ARHGEF15: variants seen among roughly 807,000 people sequenced by gnomAD.
ARHGEF15 encodes the protein Rho guanine nucleotide exchange factor 15, also known as Rho guanine nucleotide exchange factor (GEF) 15.
Under a neutral mutation model 79.7 loss-of-function variants are expected in ARHGEF15, and 58 were observed. That is an observed-to-expected ratio of 0.73 (90% CI 0.59 to 0.91). The LOEUF is 0.91. Among genes scored for constraint, ARHGEF15 ranks in the 40% least tolerant of loss-of-function variants. The pLI is 0.00. For missense variants in ARHGEF15, 1,012 were observed against 1,108.1 expected (o/e 0.91, Z 1.23); for synonymous variants, 442 against 456.0 (o/e 0.97, Z 0.39).
At chr17:8,320,161 A>G (rs1044043289) in intron 15 of ARHGEF15, among the ~76,000 whole-genome samples, 1 of 152,178 alleles carries the variant, frequency 6.6e-6, no homozygotes, top group Admixed American at 6.5e-5. Context: ...TGAATCAAAT[A>G]TATCACACTT....
At position 8,315,326 on chromosome 17, in the gene ARHGEF15, C is replaced by T. The variant is rs1271874504; in HGVS notation, c.1260+49C>T. The stretch of plus-strand genomic sequence containing the variant: ...GGAGGGGGGTGCTGGGGTTGGGCTG[C>T]ATGGGTCAGGCATAGGGGAGGAGGG... On this transcript the variant is annotated intron_variant, in intron 6 of 15. Coordinates refer to ENST00000361926, the MANE Select transcript of ARHGEF15 (RefSeq NM_173728.4). The surrounding 1 kb of genome is among the most constrained non-coding windows in gnomAD (Gnocchi z 4.3). 5.0e-6 allele frequency: 8 copies of T among 1,610,654 alleles called. No homozygotes were observed. Among genetic ancestry groups the T allele is most frequent in the Non-Finnish European group, 6.8e-6 (8 of 1,178,158 alleles).
chr17:8,317,893 C>G (rs1905130129), intron 9 of ARHGEF15, among the ~76,000 whole-genome samples: 1 of 152,036 alleles, frequency 6.6e-6, no homozygotes, highest in African/African-American at 2.4e-5. Context: ...ATGGTGAAAC[C>G]CCGCTTCTAC....
At chr17:8,320,711 T>C in intron 15 of ARHGEF15, 131 bp from the exon 16 acceptor site, 1 of 767,338 alleles carries the variant, frequency 1.3e-6, no homozygotes. Context: ...TTTCTACCGA[T>C]GCTCCAGGCT....
intron 9 of ARHGEF15, 75 bp downstream of exon 9, chr17:8,316,223 C>G: frequency 6.5e-7 from 1 of 1,537,302 alleles, no homozygotes. Flanking sequence ...TCTTGGCCCT[C>G]CAGCTATCAC....
At position 8,313,394 on chromosome 17, in the gene ARHGEF15, G is replaced by A. The variant is rs77113746; in HGVS notation, c.935-107G>A. The A allele has an allele frequency of 3.8e-4, 567 of 1,502,284 alleles. 1 individual carries two copies. The highest frequency in any genetic ancestry group is 4.7e-4 in the Non-Finnish European group (517 of 1,100,958). 93.1% of individuals were successfully genotyped at this position (1,502,284 alleles called of 1,614,324 possible). On this transcript the variant is annotated intron_variant, in intron 3 of 15. Coordinates refer to ENST00000361926, the MANE Select transcript of ARHGEF15 (RefSeq NM_173728.4). ...CACCAGCTGCTGCTCTGGTGCTGAA[G>A]AGAGTTGCAGTTTTTATAGTAACCA...
chr17:8,315,000 C>A lies in ARHGEF15; in HGVS notation c.1048+36C>A, dbSNP rs1323879277. The A allele has an allele frequency of 2.5e-6, 4 of 1,613,716 alleles. No homozygotes were observed. In the Admixed American group the frequency reaches 6.7e-5, roughly 27 times the overall value. On this transcript the variant is annotated intron_variant, in intron 5 of 15. Transcript: ENST00000361926. Reference sequence around the variant, plus strand: ...CTGGACCTGAGGGTCCCTGCTGTGACCATCAAGCAGTGGGGAAGGGTTTGG... The same window carrying A: ...CTGGACCTGAGGGTCCCTGCTGTGAACATCAAGCAGTGGGGAAGGGTTTGG...
intron 4 of ARHGEF15, among the ~76,000 whole-genome samples, chr17:8,314,451 G>A (rs1034344701): frequency 1.3e-5 from 2 of 152,018 alleles, no homozygotes; most frequent in African/African-American, 2.4e-5. Context: ...AGTCCATCAC[G>A]TTGAGCTTCC....
In ARHGEF15 at chr17:8,315,735, T is replaced by G. The variant is rs779894047; in HGVS notation, c.1422-20T>G. 6.2e-7 allele frequency: 1 copy of G among 1,608,404 alleles called. No individual in the cohort carries two copies. Among genetic ancestry groups the G allele is most frequent in the South Asian group, 1.1e-5 (1 of 90,882 alleles). On this transcript the variant is annotated intron_variant, in intron 7 of 15. Coordinates refer to ENST00000361926, the MANE Select transcript of ARHGEF15 (RefSeq NM_173728.4). The surrounding 1 kb of genome is among the most constrained non-coding windows in gnomAD (Gnocchi z 4.3). ...TGGCTCTCTGCCCCGCCCCATTGCTTGCTTCCCCAATTCCTTCAGGTTTCT... is the reference window on the plus strand; with the variant it reads ...TGGCTCTCTGCCCCGCCCCATTGCTGGCTTCCCCAATTCCTTCAGGTTTCT...
rs1904648547 is a variant in ARHGEF15 at position 8,311,982 on chromosome 17, C to T, written c.-49-9C>T. 9.5e-6 allele frequency: 14 copies of T among 1,467,174 alleles called. No individual in the cohort carries two copies. Among genetic ancestry groups the T allele is most frequent in the Admixed American group, 2.5e-5 (1 of 39,658 alleles). The allele number at this position is 1,467,174 out of a possible 1,614,324, so 90.9% of individuals were successfully genotyped here. On this transcript the variant is annotated splice_polypyrimidine_tract_variant and intron_variant, in intron 1 of 15. Coordinates refer to ENST00000361926, the MANE Select transcript of ARHGEF15 (RefSeq NM_173728.4). Reference sequence around the variant, plus strand: ...TAAGGGTCTTTCTCTTTCCCTCCCTCCTCCTCAGGGGATGACTCCAGCAGA... The same window carrying T: ...TAAGGGTCTTTCTCTTTCCCTCCCTTCTCCTCAGGGGATGACTCCAGCAGA...
At position 8,321,124 on chromosome 17, in the gene ARHGEF15, T is replaced by TTCA; in HGVS notation, c.*132_*134dup. The stretch of plus-strand genomic sequence containing the variant: ...CTCGTGGCAACCATAGAGATCGAGC[T>TTCA]TCAGGACAGAGCAGCCAATGAAAAC... On this transcript the variant is annotated 3_prime_UTR_variant, in exon 16 of 16. Coordinates refer to ENST00000361926, the MANE Select transcript of ARHGEF15 (RefSeq NM_173728.4). 7.5e-7 allele frequency: 1 copy of TTCA among 1,325,802 alleles called. No homozygotes were observed. Among genetic ancestry groups the TTCA allele is most frequent in the Non-Finnish European group, 1.0e-6 (1 of 963,570 alleles). The allele number at this position is 1,325,802 out of a possible 1,614,324, so 82.1% of individuals were successfully genotyped here.
At position 8,315,594 on chromosome 17, in the gene ARHGEF15, TC is replaced by T; in HGVS notation, c.1421+22del. On this transcript the variant is annotated intron_variant, in intron 7 of 15. Transcript: ENST00000361926. The surrounding 1 kb of genome is among the most constrained non-coding windows in gnomAD (Gnocchi z 4.3). ...CGAGCGGTCAGTGGCTTTCCGTCCT[TC>T]CAGGGAACCTGCCCTTAGGCTGCTG... 1 of 1,605,858 alleles carries T rather than the reference TC, an allele frequency of 6.2e-7. No individual in the cohort carries two copies. Among genetic ancestry groups the T allele is most frequent in the East Asian group, 2.2e-5 (1 of 44,858 alleles).
chr17:8,319,252 C>CT (rs1463969698), intron 13 of ARHGEF15, 60 bp from the exon 14 acceptor site: 4 of 1,605,558 alleles, frequency 2.5e-6, no homozygotes, highest in African/African-American at 2.7e-5. Context: ...TCTGTGGCTC[C>CT]TGCCTCAGCC....
Position 8,316,019 on chromosome 17 carries a change from G to C in ARHGEF15, c.1575G>C (p.Met525Ile). 1 of 1,601,760 alleles carries C rather than the reference G, an allele frequency of 6.2e-7. No individual in the cohort carries two copies. The highest frequency in any genetic ancestry group is 1.1e-5 in the South Asian group (1 of 90,980). Residue 525 changes from methionine (M) to isoleucine (I), a missense_variant and splice_region_variant, in exon 9 of 16, where the codon ATG becomes ATC. Transcript: ENST00000361926. Reference protein sequence around the residue: ...QYQEETYSRLMDTNVRFSAEL... With the variant: ...QYQEETYSRLIDTNVRFSAEL... ...CCGCTAGCCATGCCTGCTTCTGCAG[G>C]GACACCAACGTGCGCTTCTCCGCCG...
chr17:8,319,203 T>C, intron 13 of ARHGEF15, 44 bp downstream of exon 13: 1 of 1,609,482 alleles, frequency 6.2e-7, no homozygotes, highest in Non-Finnish European at 8.5e-7. Context: ...GACACTTATC[T>C]GACCTCTCAG....
At position 8,315,003 on chromosome 17, in the gene ARHGEF15, T is replaced by A; in HGVS notation, c.1048+39T>A. ...GACCTGAGGGTCCCTGCTGTGACCATCAAGCAGTGGGGAAGGGTTTGGGAG... is the reference window on the plus strand; with the variant it reads ...GACCTGAGGGTCCCTGCTGTGACCAACAAGCAGTGGGGAAGGGTTTGGGAG... On this transcript the variant is annotated intron_variant, in intron 5 of 15. Coordinates refer to ENST00000361926, the MANE Select transcript of ARHGEF15 (RefSeq NM_173728.4). This position sits in a 1 kb window ranked among gnomAD's most constrained non-coding sequence, Gnocchi z 4.3. 1 of 1,613,826 alleles carries A rather than the reference T, an allele frequency of 6.2e-7. No homozygotes were observed. Among genetic ancestry groups the A allele is most frequent in the South Asian group, 1.1e-5 (1 of 91,050 alleles).
Position 8,315,511 on chromosome 17 carries a change from T to G in ARHGEF15, c.1358T>G (p.Leu453Arg). ...CTGAGCCAGGCACTCCGGGACACGC[T>G]CACCCCCCGTGATCACCACACACTC... ...FVLSQALRDT[L>R]TPRDHHTLFS... The change falls in exon 7 of 16, where the codon CTC (leucine) becomes CGC (arginine). Residue 453 changes from leucine (L) to arginine (R), a missense_variant. By Grantham distance (102) the Leu-to-Arg change is moderately radical (BLOSUM62 -2). Around this residue, in one of 3 missense-constraint regions of ARHGEF15, gnomAD observed 818 missense variants for 882.5 expected, o/e 0.93. Coordinates refer to ENST00000361926, the MANE Select transcript of ARHGEF15 (RefSeq NM_173728.4). The surrounding 1 kb of genome is among the most constrained non-coding windows in gnomAD (Gnocchi z 4.3). 1 of 1,612,482 alleles carries G rather than the reference T, an allele frequency of 6.2e-7. No homozygotes were observed. Among genetic ancestry groups the G allele is most frequent in the South Asian group, 1.1e-5 (1 of 91,056 alleles).
chr17:8,314,382 A>T (rs1234755952), intron 4 of ARHGEF15, among the ~76,000 whole-genome samples: 3 of 152,102 alleles, frequency 2.0e-5, no homozygotes, highest in Non-Finnish European at 2.9e-5. Flanking sequence ...GGTGGTGCTG[A>T]TGACCACAGC....
In ARHGEF15 at chr17:8,319,584, C is replaced by T; in HGVS notation, c.2355C>T (p.His785=). ...RSLESRAAPK[H]LHKTPEGWLK... Reference sequence around the variant, plus strand: ...TGGAGTCCAGGGCTGCCCCCAAACACCTGCACAAGACCCCTGAAGGTGAGA... The same window carrying T: ...TGGAGTCCAGGGCTGCCCCCAAACATCTGCACAAGACCCCTGAAGGTGAGA... The change falls in exon 15 of 16, where the codon CAC becomes CAT. Residue 785 remains histidine, a synonymous_variant. Transcript: ENST00000361926. 6.3e-7 allele frequency: 1 copy of T among 1,595,524 alleles called. No individual in the cohort carries two copies. Among genetic ancestry groups the T allele is most frequent in the Non-Finnish European group, 8.5e-7 (1 of 1,174,916 alleles).
chr17:8,313,750 C>T lies in ARHGEF15; in HGVS notation c.989+195C>T, dbSNP rs546920933. 9 of 500,128 alleles carry T rather than the reference C, an allele frequency of 1.8e-5. No homozygotes were observed. The South Asian group carries it at 4.1e-4, about 23-fold the overall frequency. The allele number at this position is 500,128 out of a possible 1,614,324, so 31.0% of individuals were successfully genotyped here. A position where few individuals can be genotyped will look rare whatever the true frequency, so the allele number is the denominator to read the frequency against. On this transcript the variant is annotated intron_variant, in intron 4 of 15. Coordinates refer to ENST00000361926, the MANE Select transcript of ARHGEF15 (RefSeq NM_173728.4). ...ATCAATTCTGTGATCTTATAGAAGG[C>T]CGGGCACGGTGGCTTACATCTGTAA...
Sources: allele counts gnomAD v4.1 joint callset (sites outside exome capture counted in the v4.1 genomes callset), GRCh38; gene constraint gnomAD v4.1.1; regional missense constraint gnomAD v4.1.1; non-coding constraint Gnocchi (gnomAD v3.1); transcripts MANE v1.5; gene names NCBI Gene and HGNC (gene_info 2026-07-23, HGNC 2026-07-21).